Variants in ATRNL1 observed in about 807,000 individuals in gnomAD.
ATRNL1 encodes the protein attractin like 1, also known as attractin-like protein 1.
ATRNL1 carries 95 observed loss-of-function variants against 182.7 expected under a neutral mutation model. The ratio of observed to expected loss-of-function variants is 0.52; its 90% CI spans 0.44 to 0.62. The LOEUF is 0.62. Ranked by LOEUF, ATRNL1 falls within the 20% of genes least tolerant of loss-of-function variation. The pLI is 0.00. For synonymous variants in ATRNL1, 576 were observed against 568.3 expected, an observed-to-expected ratio of 1.01 and a Z score of -0.19; for missense variants, 1,471 against 1,679.5, an observed-to-expected ratio of 0.88 and a Z score of 2.17.
At chr10:115,465,480 C>T (rs1554970597) in intron 22 of ATRNL1, among the ~76,000 whole-genome samples, 1 of 151,536 alleles carries the variant, frequency 6.6e-6, no homozygotes, top group Non-Finnish European at 1.5e-5. Flanking sequence ...AATTTATGCC[C>T]ACTCTGTGTT....
intron 21 of ATRNL1, among the ~76,000 whole-genome samples, chr10:115,437,918 T>C (rs1434705786): frequency 1.3e-5 from 2 of 152,012 alleles, no homozygotes; most frequent in Non-Finnish European, 2.9e-5. Context: ...TTTATCCCTG[T>C]TGTACCATTG....
At chr10:115,405,520 G>A (rs1260244547) in intron 20 of ATRNL1, among the ~76,000 whole-genome samples, 1 of 152,076 alleles carries the variant, frequency 6.6e-6, no homozygotes, top group Non-Finnish European at 1.5e-5. Flanking sequence ...ATTTGCCGGT[G>A]CAAATATGAT....
chr10:115,925,410 T>G (rs1373875140), intron 28 of ATRNL1, among the ~76,000 whole-genome samples: 2 of 151,968 alleles, frequency 1.3e-5, no homozygotes, highest in Admixed American at 6.6e-5. Context: ...CACATAACAA[T>G]ACTAACCTTA....
At chr10:115,536,267 G>T (rs1032497828) in intron 25 of ATRNL1, among the ~76,000 whole-genome samples, 1 of 152,218 alleles carries the variant, frequency 6.6e-6, no homozygotes, top group African/African-American at 2.4e-5. Flanking sequence ...GCTCCACCCA[G>T]TTCAAGCTTC....
intron 15 of ATRNL1, among the ~76,000 whole-genome samples, chr10:115,292,823 T>C (rs1179953454): frequency 6.6e-6 from 1 of 152,124 alleles, no homozygotes; most frequent in Non-Finnish European, 1.5e-5. Flanking sequence ...TGATGAAAAG[T>C]ATGTGTATTC....
At chr10:115,615,224 T>C (rs556805706) in intron 26 of ATRNL1, among the ~76,000 whole-genome samples, 1 of 152,188 alleles carries the variant, frequency 6.6e-6, no homozygotes, top group Non-Finnish European at 1.5e-5. Flanking sequence ...TGAGTGTTTT[T>C]ATAATAATAT....
chr10:115,824,728 C>T (rs1267289035), intron 27 of ATRNL1, among the ~76,000 whole-genome samples: 1 of 152,172 alleles, frequency 6.6e-6, no homozygotes, highest in Non-Finnish European at 1.5e-5. Context: ...GATACCATCT[C>T]ACACCGGTTA....
intron 27 of ATRNL1, among the ~76,000 whole-genome samples, chr10:115,736,579 C>G (rs1947957772): frequency 6.6e-6 from 1 of 151,782 alleles, no homozygotes; most frequent in African/African-American, 2.4e-5. Flanking sequence ...GACTGATTTC[C>G]TTGTGTATTT....
At chr10:115,094,107 C>T in intron 1 of ATRNL1, 64 bp downstream of exon 1, 6 of 1,296,654 alleles carry the variant, frequency 4.6e-6, no homozygotes, top group Non-Finnish European at 5.9e-6. Context: ...GCCTTCCCCG[C>T]CCCCCTCGCG....
chr10:115,193,729 T>G (rs568935416), intron 8 of ATRNL1, among the ~76,000 whole-genome samples: 2 of 152,048 alleles, frequency 1.3e-5, no homozygotes, highest in African/African-American at 4.8e-5. Flanking sequence ...ATTATTTTAT[T>G]TCTTCTACTA....
At chr10:115,464,330 A>G (rs940420931) in intron 22 of ATRNL1, among the ~76,000 whole-genome samples, 2 of 127,132 alleles carry the variant, frequency 1.6e-5, no homozygotes, top group African/African-American at 2.7e-5. Flanking sequence ...TACATTTCCT[A>G]CATTTTGAAA....
chr10:115,259,110 C>T (rs1851286601), intron 10 of ATRNL1, among the ~76,000 whole-genome samples: 1 of 152,200 alleles, frequency 6.6e-6, no homozygotes, highest in African/African-American at 2.4e-5. Context: ...TGTTTGTTCT[C>T]AGAGCTCAAA....
At chr10:115,185,964 A>G (rs1847924001) in intron 8 of ATRNL1, among the ~76,000 whole-genome samples, 1 of 152,088 alleles carries the variant, frequency 6.6e-6, no homozygotes. Flanking sequence ...TGGACTATAC[A>G]GTCTCTGTCT....
chr10:115,325,971 A>G (rs1343067767), intron 18 of ATRNL1, among the ~76,000 whole-genome samples: 1 of 151,992 alleles, frequency 6.6e-6, no homozygotes, highest in African/African-American at 2.4e-5. Flanking sequence ...CTTACTTTAA[A>G]TCTTCTGGTA....
chr10:115,581,588 T>G (rs1487309519), intron 26 of ATRNL1, among the ~76,000 whole-genome samples: 3 of 152,124 alleles, frequency 2.0e-5, no homozygotes, highest in Non-Finnish European at 4.4e-5. Flanking sequence ...AAAATATATA[T>G]GTGCATATGT....
intron 27 of ATRNL1, among the ~76,000 whole-genome samples, chr10:115,806,669 G>T (rs1031592629): frequency 6.6e-6 from 1 of 152,120 alleles, no homozygotes; most frequent in African/African-American, 2.4e-5. Context: ...AAATTTGTCA[G>T]ATCAGTGTTG....
intron 26 of ATRNL1, among the ~76,000 whole-genome samples, chr10:115,599,330 C>G (rs185727528): frequency 9.0e-4 from 137 of 152,178 alleles, no homozygotes; most frequent in Admixed American, 1.9e-3. Flanking sequence ...CTTGTGCTTT[C>G]AACTTAAAAT....
chr10:115,877,457 T>A (rs1286752063), intron 28 of ATRNL1, among the ~76,000 whole-genome samples: 1 of 152,148 alleles, frequency 6.6e-6, no homozygotes, highest in Non-Finnish European at 1.5e-5. Context: ...CCTTAGCACT[T>A]CTCCAGAATA....
At chr10:115,372,485 TTTTTCTCTAAGAA>T (rs1857450119) in intron 19 of ATRNL1, among the ~76,000 whole-genome samples, 1 of 152,168 alleles carries the variant, frequency 6.6e-6, no homozygotes, top group African/African-American at 2.4e-5. Context: ...GCTTCCTATG[TTTTTCTCTAAGAA>T]TTTTCAGGGA....
Sources: gnomAD v4.1 joint callset for allele counts (sites outside exome capture counted in the v4.1 genomes callset) on GRCh38, gnomAD v4.1.1 for gene constraint, MANE v1.5 for transcripts, NCBI Gene and HGNC (gene_info 2026-07-23, HGNC 2026-07-21) for gene names.